LINGO3: variants seen among roughly 807,000 people sequenced by gnomAD.
LINGO3 encodes the protein leucine rich repeat and Ig domain containing 3.
For synonymous variants in LINGO3, 427 were observed against 444.2 expected (o/e 0.96, Z 0.49); for missense variants, 750 against 867.7 (o/e 0.86, Z 1.70).
chr19:2,290,613 G>T lies in LINGO3; in HGVS notation c.1164C>A (p.Asp388Glu). The change falls in exon 1 of 1, where the codon GAC becomes GAA. Residue 388 changes from aspartate (D) to glutamate (E), a missense_variant. Coordinates refer to ENST00000585527, the Ensembl canonical transcript of LINGO3. This position sits in a 1 kb window ranked among gnomAD's most constrained non-coding sequence, Gnocchi z 6.0. The stretch of plus-strand genomic sequence containing the variant: ...CGGAGTCCGGCAGGTTTCGCAGCGC[G>T]TCGCCGCGCACCTCGGCCGGGGTGG... 6.3e-7 allele frequency: 1 copy of T among 1,590,902 alleles called. No individual in the cohort carries two copies.
the LINGO3 span, among the ~76,000 whole-genome samples, chr19:2,303,356 TGGG>T: frequency 0.12 from 17,774 of 149,458 alleles, 1,353 homozygotes; most frequent in East Asian, 0.22. Flanking sequence ...CAGGGAGCTG[TGGG>T]GGGGGGGGTC....
chr19:2,291,133 T>C (rs2025515502), exon 1 of LINGO3: 4 of 1,607,494 alleles, frequency 2.5e-6, no homozygotes, highest in Non-Finnish European at 2.5e-6. Context: ...GAAGTTCTGG[T>C]CCTCCAGGGA....
At chr19:2,302,749 G>A in the LINGO3 span, among the ~76,000 whole-genome samples, 3 of 152,264 alleles carry the variant, frequency 2.0e-5, no homozygotes, top group African/African-American at 4.8e-5. Context: ...ACGACCAGCC[G>A]CAGCTGAGGC....
At chr19:2,293,396 G>C (rs1279420386), upstream of LINGO3, among the ~76,000 whole-genome samples, 1 of 130,960 alleles carries the variant, frequency 7.6e-6, no homozygotes, top group African/African-American at 2.9e-5. Context: ...GTCTCACTCT[G>C]GCCCAGGCTG....
upstream of LINGO3, chr19:2,292,116 A>C: frequency 3.0e-6 from 1 of 337,120 alleles, no homozygotes; most frequent in African/African-American, 2.3e-5. Context: ...TGGGCCCAGG[A>C]GGTGGAGGCT....
chr19:2,289,721 C>G (rs897063909), downstream of LINGO3: 30 of 247,908 alleles, frequency 1.2e-4, no homozygotes, highest in Middle Eastern at 1.3e-3. Flanking sequence ...GGGAGCCCAT[C>G]CCCCCATCCT....
upstream of LINGO3, among the ~76,000 whole-genome samples, chr19:2,294,688 G>A (rs2025557635): frequency 6.6e-6 from 1 of 152,186 alleles, no homozygotes; most frequent in South Asian, 2.1e-4. This position sits in a 1 kb window ranked among gnomAD's most constrained non-coding sequence, Gnocchi z 4.3. Flanking sequence ...AGGAACAGGC[G>A]CCAATGCTCC....
chr19:2,295,461 G>A (rs553854138), upstream of LINGO3, among the ~76,000 whole-genome samples: 64 of 152,322 alleles, frequency 4.2e-4, no homozygotes, highest in African/African-American at 1.5e-3. Flanking sequence ...CTTGCCCGGC[G>A]CGGTGGCTCA....
At chr19:2,296,940 AAATTAGCCGGGCGTGGTGGCGGG>A (rs2025578357), upstream of LINGO3, among the ~76,000 whole-genome samples, 2 of 151,542 alleles carry the variant, frequency 1.3e-5, no homozygotes, top group South Asian at 4.2e-4. Flanking sequence ...AACATACAAA[AAATTAGCCGGGCGTGGTGGCGGG>A]CGCCCGTAGT....
At chr19:2,304,249 GCTTT>G in the LINGO3 span, among the ~76,000 whole-genome samples, 2 of 152,322 alleles carry the variant, frequency 1.3e-5, no homozygotes, top group Non-Finnish European at 2.9e-5. Context: ...ACAAATCCCT[GCTTT>G]CTGTCTATGG....
the LINGO3 span, among the ~76,000 whole-genome samples, chr19:2,302,467 T>G: frequency 6.6e-6 from 1 of 152,200 alleles, no homozygotes; most frequent in African/African-American, 2.4e-5. Context: ...AGCTGTGTCC[T>G]CGGGTGACGT....
Position 2,290,610 on chromosome 19 carries a change from C to T in LINGO3, c.1167G>A (p.Ala389=). The T allele has an allele frequency of 1.3e-6, 2 of 1,588,986 alleles. No individual in the cohort carries two copies. The change falls in exon 1 of 1, where the codon GCG becomes GCA. Residue 389 remains alanine, a synonymous_variant. Coordinates refer to ENST00000585527, the Ensembl canonical transcript of LINGO3. This position sits in a 1 kb window ranked among gnomAD's most constrained non-coding sequence, Gnocchi z 6.0. ...GCACGGAGTCCGGCAGGTTTCGCAG[C>T]GCGTCGCCGCGCACCTCGGCCGGGG...
In LINGO3 at chr19:2,290,963, G is replaced by C. The variant is rs752371848; in HGVS notation, c.814C>G (p.Leu272Val). 1.2e-6 allele frequency: 2 copies of C among 1,611,712 alleles called. No homozygotes were observed. Among genetic ancestry groups the C allele is most frequent in the African/African-American group, 1.3e-5 (1 of 74,894 alleles). ...TTGTGCGACAGATTGAGGCAGGTGA[G>C]GTGCGCCTGGTGCCGCAGCGCGGCG... Residue 272 changes from leucine (L) to valine (V), a missense_variant, in exon 1 of 1, where the codon CTC (leucine) becomes GTC (valine). Coordinates refer to ENST00000585527, the Ensembl canonical transcript of LINGO3. The surrounding 1 kb of genome is among the most constrained non-coding windows in gnomAD (Gnocchi z 6.0).
In LINGO3 at chr19:2,291,726, C is replaced by A. The variant is rs559382174; in HGVS notation, c.51G>T (p.Ala17=). The A allele has an allele frequency of 1.0e-4, 136 of 1,346,004 alleles. 1 individual carries two copies. The African/African-American group carries it at 1.9e-3, about 18-fold the overall frequency. The allele number at this position is 1,346,004 out of a possible 1,614,324, so 83.4% of individuals were successfully genotyped here. A position where few individuals can be genotyped will look rare whatever the true frequency, so the allele number is the denominator to read the frequency against. The stretch of plus-strand genomic sequence containing the variant: ...GGCAGCCTCCAGCCGGGGGCGGCGC[C>A]GCGGGCAGCAGGAGCAGGGGCAGGC... Residue 17 remains alanine, a synonymous_variant, in exon 1 of 1, where the codon GCG becomes GCT. Coordinates refer to ENST00000585527, the Ensembl canonical transcript of LINGO3.
the LINGO3 span, among the ~76,000 whole-genome samples, chr19:2,298,540 T>A: frequency 7.6e-6 from 1 of 131,074 alleles, no homozygotes; most frequent in Non-Finnish European, 1.5e-5. Context: ...CCAATAATTT[T>A]TTTTTTTTTT....
At chr19:2,306,522 CT>C in the LINGO3 span, among the ~76,000 whole-genome samples, 6 of 152,220 alleles carry the variant, frequency 3.9e-5, no homozygotes, top group Non-Finnish European at 7.3e-5. Flanking sequence ...CAGGTCCCGG[CT>C]TACCCTGGGG....
the LINGO3 span, among the ~76,000 whole-genome samples, chr19:2,303,361 G>A: frequency 1.3e-5 from 2 of 152,160 alleles, no homozygotes; most frequent in Admixed American, 6.5e-5. Context: ...AGCTGTGGGG[G>A]GGGGGGTCTG....
Position 2,290,973 on chromosome 19 carries a change from G to C in LINGO3, c.804C>G (p.His268Gln), listed in dbSNP as rs757133840. Residue 268 changes from histidine (H) to glutamine (Q), a missense_variant, in exon 1 of 1, where the codon CAC becomes CAG. Coordinates refer to ENST00000585527, the Ensembl canonical transcript of LINGO3. The surrounding 1 kb of genome is among the most constrained non-coding windows in gnomAD (Gnocchi z 6.0). Reference sequence around the variant, plus strand: ...GATTGAGGCAGGTGAGGTGCGCCTGGTGCCGCAGCGCGGCGGCCGGCACGG... The same window carrying C: ...GATTGAGGCAGGTGAGGTGCGCCTGCTGCCGCAGCGCGGCGGCCGGCACGG... 1 of 1,611,858 alleles carries C rather than the reference G, an allele frequency of 6.2e-7. No individual in the cohort carries two copies. Among genetic ancestry groups the C allele is most frequent in the Non-Finnish European group, 8.5e-7 (1 of 1,179,524 alleles).
chr19:2,287,725 C>T (rs1034503453), downstream of LINGO3, among the ~76,000 whole-genome samples: 28 of 152,196 alleles, frequency 1.8e-4, no homozygotes, highest in Non-Finnish European at 3.1e-4. The surrounding 1 kb of genome is among the most constrained non-coding windows in gnomAD (Gnocchi z 4.5). Flanking sequence ...CAGGCCTGGC[C>T]TCTGAATACA....
Sources: gnomAD v4.1 joint callset for allele counts (sites outside exome capture counted in the v4.1 genomes callset) on GRCh38, gnomAD v4.1.1 for gene constraint, Gnocchi (gnomAD v3.1) non-coding constraint, MANE v1.5 for transcripts, NCBI Gene and HGNC (gene_info 2026-07-23, HGNC 2026-07-21) for gene names.